The following HDGFL3 variants were observed in gnomAD, a reference collection of about 807,000 sequenced individuals.
The protein encoded by HDGFL3 is HDGF like 3, also known as hepatoma-derived growth factor-related protein 3.
HDGFL3 carries 6 observed loss-of-function variants against 27.6 expected under a neutral mutation model. The observed-to-expected ratio is 0.22, with a 90% CI of 0.12 to 0.43. The LOEUF is 0.43. HDGFL3 is among the 20% of genes least tolerant of loss of function. The pLI, the probability that HDGFL3 is intolerant of heterozygous loss-of-function variation, is 1.00. For synonymous variants in HDGFL3, 88 were observed against 88.9 expected, an observed-to-expected ratio of 0.99 and a Z score of 0.05; for missense variants, 207 against 250.1, an observed-to-expected ratio of 0.83 and a Z score of 1.16.
chr15:83,192,273 T>G (rs1191463088), intron 1 of HDGFL3: 3 of 455,246 alleles, frequency 6.6e-6, no homozygotes, highest in Non-Finnish European at 1.3e-5. Context: ...GATACAGATA[T>G]GAAGACAGTT....
chr15:83,172,409 T>A (rs548200495), intron 1 of HDGFL3, among the ~76,000 whole-genome samples: 46 of 152,194 alleles, frequency 3.0e-4, no homozygotes, highest in Non-Finnish European at 4.9e-4. Context: ...AAAATCCATA[T>A]ATACCTTTTG....
intron 1 of HDGFL3, among the ~76,000 whole-genome samples, chr15:83,172,071 T>C (rs2037253111): frequency 6.6e-6 from 1 of 152,222 alleles, no homozygotes; most frequent in Non-Finnish European, 1.5e-5. Context: ...ATGGCTCTGC[T>C]ATGGCTTGAA....
chr15:83,192,680 T>C (rs150009555), intron 1 of HDGFL3, among the ~76,000 whole-genome samples: 8 of 152,196 alleles, frequency 5.3e-5, no homozygotes, highest in Admixed American at 4.6e-4. Context: ...ACAGGAAAAT[T>C]TGAAAAATCC....
chr15:83,142,069 G>A (rs1196062813), intron 5 of HDGFL3, among the ~76,000 whole-genome samples: 1 of 152,212 alleles, frequency 6.6e-6, no homozygotes, highest in Non-Finnish European at 1.5e-5. Context: ...TATGCTGTTG[G>A]TGGGAGTGTA....
At chr15:83,143,591 A>G (rs923688044) in intron 5 of HDGFL3, among the ~76,000 whole-genome samples, 1 of 152,148 alleles carries the variant, frequency 6.6e-6, no homozygotes, top group African/African-American at 2.4e-5. Context: ...CAAACAAACA[A>G]ACTTTTAATG....
chr15:83,197,279 C>A (rs2037582263), intron 1 of HDGFL3, among the ~76,000 whole-genome samples: 1 of 152,122 alleles, frequency 6.6e-6, no homozygotes, highest in South Asian at 2.1e-4. Context: ...AAAATATTTC[C>A]ATTTATAATA....
At chr15:83,121,939 T>A in intron 3 of HDGFL3, 2 of 1,608,932 alleles carry the variant, frequency 1.2e-6, no homozygotes, top group Non-Finnish European at 1.7e-6. Context: ...ATAGAACCAT[T>A]GGCCTATATT....
intron 4 of HDGFL3, among the ~76,000 whole-genome samples, chr15:83,154,336 A>G (rs976358556): frequency 1.4e-5 from 2 of 143,690 alleles, no homozygotes; most frequent in African/African-American, 5.4e-5. Flanking sequence ...ACCCTGTCTC[A>G]AGACAAAGAA....
At chr15:83,149,214 A>G (rs2036935172) in intron 5 of HDGFL3, among the ~76,000 whole-genome samples, 1 of 152,240 alleles carries the variant, frequency 6.6e-6, no homozygotes, top group Admixed American at 6.5e-5. Flanking sequence ...TGAGGATTAA[A>G]TGAGATAATG....
intron 1 of HDGFL3, among the ~76,000 whole-genome samples, chr15:83,198,175 G>C (rs1441315900): frequency 1.3e-5 from 2 of 151,956 alleles, no homozygotes; most frequent in Admixed American, 1.3e-4. Flanking sequence ...TTTGGGATCA[G>C]GGGACATATT....
At chr15:83,160,886 C>T (rs1451750395) in intron 2 of HDGFL3, among the ~76,000 whole-genome samples, 2 of 152,104 alleles carry the variant, frequency 1.3e-5, no homozygotes, top group African/African-American at 2.4e-5. Context: ...TTAAGAAGCA[C>T]CAAACTTTTA....
At chr15:83,163,435 C>A (rs1394143304) in intron 2 of HDGFL3, among the ~76,000 whole-genome samples, 2 of 152,154 alleles carry the variant, frequency 1.3e-5, no homozygotes, top group Non-Finnish European at 2.9e-5. Flanking sequence ...TCTACCCACC[C>A]CAATCTACCT....
At chr15:83,113,021 T>G (rs1596471167) in exon 4 of HDGFL3, 1 of 824,044 alleles carries the variant, frequency 1.2e-6, no homozygotes, top group Non-Finnish European at 2.0e-6. Flanking sequence ...TGGCTGCAAG[T>G]GTAGGGGTGT....
rs2037471249 is a variant in HDGFL3 at position 83,188,358 on chromosome 15, C to T, written c.84+18973G>A. On this transcript the variant is annotated intron_variant, in intron 1 of 5. Coordinates refer to ENST00000299633, the MANE Select transcript of HDGFL3 (RefSeq NM_016073.4). ...CCTCTGCCTGCTGGTTCAAGCAATT[C>T]TCGCGCCTCAGCCTCCTGAGTAGCT... 2.6e-5 allele frequency among the ~76,000 whole-genome samples: 4 copies of T among 152,316 alleles called. No homozygotes were observed. The East Asian group carries it at 7.7e-4, about 29-fold the overall frequency.
intron 1 of HDGFL3, among the ~76,000 whole-genome samples, chr15:83,197,133 C>G (rs1168994299): frequency 6.6e-6 from 1 of 152,212 alleles, no homozygotes; most frequent in Non-Finnish European, 1.5e-5. Context: ...TATTTCATAA[C>G]TCTACCAAAG....
At chr15:83,153,926 G>A (rs1355813135) in intron 4 of HDGFL3, among the ~76,000 whole-genome samples, 1 of 151,882 alleles carries the variant, frequency 6.6e-6, no homozygotes, top group Non-Finnish European at 1.5e-5. Context: ...ACAGGTGTGG[G>A]GCCTTTTCCT....
intron 1 of HDGFL3, among the ~76,000 whole-genome samples, chr15:83,203,923 G>A (rs914785075): frequency 3.3e-5 from 5 of 150,232 alleles, no homozygotes; most frequent in African/African-American, 9.8e-5. Flanking sequence ...AAAGCGATCA[G>A]AGACTCGTTT....
At chr15:83,165,041 C>T (rs777075397) in intron 1 of HDGFL3, among the ~76,000 whole-genome samples, 33 of 152,142 alleles carry the variant, frequency 2.2e-4, no homozygotes, top group Non-Finnish European at 4.1e-4. Flanking sequence ...AACAAAACTG[C>T]CAGAACTTTT....
chr15:83,198,032 G>A (rs1410339931), intron 1 of HDGFL3, among the ~76,000 whole-genome samples: 3 of 105,578 alleles, frequency 2.8e-5, no homozygotes, highest in African/African-American at 1.3e-4. Context: ...CCAGCCTGGG[G>A]TGACAGAGAG....
Sources: allele counts gnomAD v4.1 joint callset (sites outside exome capture counted in the v4.1 genomes callset), GRCh38; gene constraint gnomAD v4.1.1; transcripts MANE v1.5; gene names NCBI Gene and HGNC (gene_info 2026-07-23, HGNC 2026-07-21).